The following FBXO38 variants were observed in gnomAD, a reference collection of about 807,000 sequenced individuals.
The protein encoded by FBXO38 is F-box only protein 38.
FBXO38 carries 53 observed loss-of-function variants against 131.9 expected under a neutral mutation model. The ratio of observed to expected loss-of-function variants is 0.40; its 90% CI spans 0.32 to 0.51. FBXO38 has a LOEUF of 0.51. FBXO38 is among the 20% of genes least tolerant of loss of function. The probability of loss-of-function intolerance (pLI) is 0.53; values close to 1 mark genes in which losing one functional copy is unlikely to be tolerated. For synonymous variants in FBXO38, 452 were observed against 505.6 expected, an observed-to-expected ratio of 0.89 and a Z score of 1.42; for missense variants, 1,076 against 1,475.6, an observed-to-expected ratio of 0.73 and a Z score of 4.44.
At chr5:148,429,656 C>T (rs951611017) in intron 15 of FBXO38, among the ~76,000 whole-genome samples, 5 of 152,076 alleles carry the variant, frequency 3.3e-5, no homozygotes, top group Admixed American at 1.3e-4. Context: ...GTCATTTTAA[C>T]AGCACTGTGT....
intron 1 of FBXO38, among the ~76,000 whole-genome samples, chr5:148,390,305 A>C (rs777883206): frequency 2.0e-5 from 3 of 152,216 alleles, no homozygotes; most frequent in Non-Finnish European, 4.4e-5. Flanking sequence ...ACATTTTCAG[A>C]GACATCTACT....
rs918469771 is a variant in FBXO38, at chr5:148,427,648, A to G, written c.2354A>G (p.Gln785Arg). 2.5e-6 allele frequency: 4 copies of G among 1,614,052 alleles called. No individual in the cohort carries two copies. In the African/African-American group the frequency reaches 4.0e-5, roughly 16 times the overall value. ...TGCTGTCACAGGCCCCAGGAATCCC[A>G]AAGGAGAACTAGCAGGTGTTCTGAT... ...RCCCHRPQES[Q>R]RRTSRCSDEE... The change falls in exon 15 of 22, where the codon CAA becomes CGA. Residue 785 changes from glutamine to arginine, a missense_variant. Around this residue, in one of 8 missense-constraint regions of FBXO38, gnomAD observed 213 missense variants for 225.2 expected, o/e 0.95. Transcript: ENST00000340253.
In FBXO38 at chr5:148,423,681, A is replaced by G. The variant is rs139993709; in HGVS notation, c.1619-317A>G. 634 of 187,060 alleles carry G rather than the reference A, an allele frequency of 3.4e-3. 6 individuals carry two copies. Among genetic ancestry groups the G allele is most frequent in the Middle Eastern group, 0.022 (9 of 406 alleles). 11.6% of individuals were successfully genotyped at this position (187,060 alleles called of 1,614,324 possible). ...AACCTCTCCCATATAATTCAGTGAC[A>G]TTAATCTGAATGGCATCTTTTTGGC... On this transcript the variant is annotated intron_variant, in intron 12 of 21. Coordinates refer to ENST00000340253, the MANE Select transcript of FBXO38 (RefSeq NM_205836.3).
In FBXO38 at chr5:148,406,223, C is replaced by T. The variant is rs1266524485; in HGVS notation, c.731-34C>T. The T allele has an allele frequency of 5.2e-6, 8 of 1,531,114 alleles. No homozygotes were observed. In the East Asian group the frequency reaches 1.6e-4, roughly 32 times the overall value. The allele number at this position is 1,531,114 out of a possible 1,614,324, so 94.8% of individuals were successfully genotyped here. A position where few individuals can be genotyped will look rare whatever the true frequency, so the allele number is the denominator to read the frequency against. On this transcript the variant is annotated intron_variant, in intron 6 of 21. Transcript: ENST00000340253. ...TTGAAATTCATTTTAAGGCACTTTA[C>T]ATTGTTCTATCAAAGATTTTTTTTT...
At chr5:148,389,531 T>C (rs368550647) in intron 1 of FBXO38, among the ~76,000 whole-genome samples, 26 of 152,340 alleles carry the variant, frequency 1.7e-4, no homozygotes, top group East Asian at 7.7e-4. Flanking sequence ...TACTCTTTCT[T>C]TTTTAACCTA....
chr5:148,411,616 T>G (rs1484910412), intron 9 of FBXO38, among the ~76,000 whole-genome samples: 1 of 152,144 alleles, frequency 6.6e-6, no homozygotes, highest in Non-Finnish European at 1.5e-5. Flanking sequence ...ATTACAATAA[T>G]AGTTGTGGGT....
At chr5:148,401,866 T>C (rs1226468137) in intron 3 of FBXO38, 116 bp from the exon 4 acceptor site, 4 of 936,390 alleles carry the variant, frequency 4.3e-6, no homozygotes, top group Non-Finnish European at 6.4e-6. Flanking sequence ...TAGTGTTAGC[T>C]TTACGGAAAT....
rs1416998176 is a variant in FBXO38, at chr5:148,390,309, A to G, written c.-63-4405A>G. On this transcript the variant is annotated intron_variant, in intron 1 of 21. Coordinates refer to ENST00000340253, the MANE Select transcript of FBXO38 (RefSeq NM_205836.3). ...TTATCTCCTGAACATTTTCAGAGAC[A>G]TCTACTTGGACTTGAGAAGGCTGCT... Among the ~76,000 whole-genome samples the G allele has an allele frequency of 6.6e-5, 10 of 152,286 alleles. No homozygotes were observed. The East Asian group carries it at 1.9e-3, about 29-fold the overall frequency.
In FBXO38 at chr5:148,418,165, C is replaced by G. The variant is rs147438216; in HGVS notation, c.1618+961C>G. Among the ~76,000 whole-genome samples the G allele has an allele frequency of 2.5e-3, 385 of 152,260 alleles. 2 individuals carry two copies. Among genetic ancestry groups the G allele is most frequent in the Non-Finnish European group, 3.9e-3 (268 of 68,006 alleles). On this transcript the variant is annotated intron_variant, in intron 12 of 21. Transcript: ENST00000340253. ...AATCTGGAGGTCATTTCGCCACTTT[C>G]ATCTAATTTGACATCTCAGCAGCAT...
chr5:148,405,279 C>T (rs953465212), intron 6 of FBXO38, among the ~76,000 whole-genome samples: 1 of 152,082 alleles, frequency 6.6e-6, no homozygotes, highest in South Asian at 2.1e-4. Flanking sequence ...CACATGATGC[C>T]CAATACAAAT....
chr5:148,429,870 T>C (rs1030307014), intron 15 of FBXO38, among the ~76,000 whole-genome samples: 4 of 152,104 alleles, frequency 2.6e-5, no homozygotes, highest in Non-Finnish European at 5.9e-5. Context: ...GTTAAATCAT[T>C]CTCTGGATTT....
chr5:148,405,102 C>G (rs1752371748), intron 6 of FBXO38, among the ~76,000 whole-genome samples: 1 of 150,708 alleles, frequency 6.6e-6, no homozygotes, highest in African/African-American at 2.4e-5. Context: ...AAATTTCAGT[C>G]TTCTTACTTT....
intron 2 of FBXO38, among the ~76,000 whole-genome samples, chr5:148,396,063 AT>A (rs991605110): frequency 1.1e-4 from 17 of 151,312 alleles, no homozygotes; most frequent in South Asian, 6.3e-4. Context: ...TAAGCACTGT[AT>A]TTTTTTTTCT....
chr5:148,409,391 C>T (rs776265942), intron 8 of FBXO38, among the ~76,000 whole-genome samples, 174 bp downstream of exon 8: 1 of 152,176 alleles, frequency 6.6e-6, no homozygotes, highest in Non-Finnish European at 1.5e-5. Context: ...TCATGGTAGT[C>T]TTAATGTTAT....
In FBXO38 at chr5:148,394,753, G is replaced by A. The variant is rs371982694; in HGVS notation, c.-24G>A. 27 of 1,482,330 alleles carry A rather than the reference G, an allele frequency of 1.8e-5. No individual in the cohort carries two copies. Among genetic ancestry groups the A allele is most frequent in the Middle Eastern group, 1.8e-4 (1 of 5,438 alleles). 91.8% of individuals were successfully genotyped at this position (1,482,330 alleles called of 1,614,324 possible). On this transcript the variant is annotated 5_prime_UTR_variant, in exon 2 of 22. Coordinates refer to ENST00000340253, the MANE Select transcript of FBXO38 (RefSeq NM_205836.3). ...AGTAAACAAAAGGGAAGATTTTCTCGTTGATACTGGAGACTGCACAACAAT... is the reference window on the plus strand; with the variant it reads ...AGTAAACAAAAGGGAAGATTTTCTCATTGATACTGGAGACTGCACAACAAT...
chr5:148,426,546 A>C lies in FBXO38; in HGVS notation c.1919-667A>C, dbSNP rs555783984. 4.4e-4 allele frequency among the ~76,000 whole-genome samples: 67 copies of C among 152,362 alleles called. 1 individual carries two copies. In the South Asian group the frequency reaches 0.011, roughly 25 times the overall value. ...TGGAAACTGAAATTTAGGAAAAGTA[A>C]TATGACCAGCTGACTAACCTACCTT... On this transcript the variant is annotated intron_variant, in intron 14 of 21. Transcript: ENST00000340253.
At chr5:148,393,720 G>A (rs545962588) in intron 1 of FBXO38, among the ~76,000 whole-genome samples, 33 of 152,268 alleles carry the variant, frequency 2.2e-4, no homozygotes, top group African/African-American at 7.2e-4. Flanking sequence ...AATGTGCCAA[G>A]GCATATTTAA....
At chr5:148,395,328 T>C (rs1042162180) in intron 2 of FBXO38, among the ~76,000 whole-genome samples, 2 of 152,142 alleles carry the variant, frequency 1.3e-5, no homozygotes, top group Admixed American at 6.6e-5. Flanking sequence ...AAACATAACA[T>C]GTAAGTGATT....
intron 2 of FBXO38, among the ~76,000 whole-genome samples, chr5:148,395,470 CTGT>C (rs2113508389): frequency 9.3e-6 from 1 of 107,204 alleles, no homozygotes; most frequent in South Asian, 2.9e-4. Context: ...ATTATAACAA[CTGT>C]TTTTTTTTTT....
Sources: gnomAD v4.1 joint callset for allele counts (sites outside exome capture counted in the v4.1 genomes callset) on GRCh38, gnomAD v4.1.1 for gene constraint, gnomAD v4.1.1 regional missense constraint, MANE v1.5 for transcripts, NCBI Gene and HGNC (gene_info 2026-07-23, HGNC 2026-07-21) for gene names.